The following GALNT14 variants were observed in gnomAD, a reference collection of about 807,000 sequenced individuals.
GALNT14 encodes the protein polypeptide N-acetylgalactosaminyltransferase 14.
GALNT14 carries 60 observed loss-of-function variants against 77.5 expected under a neutral mutation model. The ratio of observed to expected loss-of-function variants is 0.77; its 90% CI spans 0.63 to 0.96. The LOEUF is 0.96. GALNT14 is among the 40% of genes least tolerant of loss of function. The pLI is 0.00. For synonymous variants in GALNT14, 280 were observed against 281.7 expected, an observed-to-expected ratio of 0.99 and a Z score of 0.06; for missense variants, 710 against 731.0, an observed-to-expected ratio of 0.97 and a Z score of 0.33.
the GALNT14 span, among the ~76,000 whole-genome samples, chr2:30,890,702 C>T: frequency 1.3e-5 from 2 of 152,312 alleles, no homozygotes; most frequent in South Asian, 4.1e-4. Flanking sequence ...CCCTGAGATG[C>T]CAGTCTGAAG....
intron 1 of GALNT14, among the ~76,000 whole-genome samples, chr2:31,133,241 C>A (rs1679069725): frequency 1.3e-5 from 2 of 152,222 alleles, no homozygotes; most frequent in Admixed American, 1.3e-4. Context: ...GATACATTGG[C>A]TCTGTCTAGG....
chr2:31,042,846 T>C (rs1282300495), intron 1 of GALNT14, among the ~76,000 whole-genome samples: 1 of 152,206 alleles, frequency 6.6e-6, no homozygotes, highest in East Asian at 1.9e-4. Flanking sequence ...TCCTGTGCTC[T>C]CCCAAAGTCT....
intron 1 of GALNT14, among the ~76,000 whole-genome samples, chr2:31,040,966 T>C (rs558505807): frequency 2.0e-5 from 3 of 152,118 alleles, no homozygotes; most frequent in Non-Finnish European, 4.4e-5. Context: ...TCCTGTAAAC[T>C]TGAACACACA....
the GALNT14 span, among the ~76,000 whole-genome samples, chr2:30,887,126 T>C: frequency 2.0e-5 from 3 of 152,236 alleles, no homozygotes; most frequent in African/African-American, 7.2e-5. Context: ...CATTCTTCCA[T>C]TGATGGACGT....
In GALNT14 at chr2:31,138,051, G is replaced by A; in HGVS notation, c.36C>T (p.Val12=). 6.2e-7 allele frequency: 1 copy of A among 1,613,820 alleles called. No individual in the cohort carries two copies. The highest frequency in any genetic ancestry group is 1.1e-5 in the South Asian group (1 of 91,086). ...GCACCGTGATCCAGAGCACCCCGAA[G>A]ACTGGCAGAACCAGCCGACGAGTCA... ...RRLTRRLVLP[V]FGVLWITVLL... The change falls in exon 1 of 15, where the codon GTC becomes GTT. Residue 12 remains valine, a synonymous_variant. Transcript: ENST00000349752.
At chr2:31,105,834 T>C (rs1286770104) in intron 1 of GALNT14, among the ~76,000 whole-genome samples, 2 of 152,218 alleles carry the variant, frequency 1.3e-5, no homozygotes, top group East Asian at 1.9e-4. Context: ...AAAAAATGTA[T>C]GTATATATGT....
chr2:30,909,652 C>T (rs1437001463), downstream of GALNT14, among the ~76,000 whole-genome samples: 7 of 151,786 alleles, frequency 4.6e-5, no homozygotes, highest in East Asian at 9.7e-4. Context: ...GTCAGTGTGG[C>T]GATTCCTCAG....
At chr2:31,092,014 G>A (rs944669126) in intron 1 of GALNT14, among the ~76,000 whole-genome samples, 14 of 152,200 alleles carry the variant, frequency 9.2e-5, no homozygotes, top group South Asian at 4.1e-4. Flanking sequence ...TCTTTCTGCC[G>A]TGCTGGATGC....
chr2:31,072,079 G>T (rs144005058), intron 1 of GALNT14, among the ~76,000 whole-genome samples: 2 of 152,204 alleles, frequency 1.3e-5, no homozygotes, highest in South Asian at 2.1e-4. Flanking sequence ...CTAGAGACAC[G>T]TGGAAGAACA....
chr2:30,976,607 G>A (rs930256041), intron 2 of GALNT14, among the ~76,000 whole-genome samples: 9 of 112,610 alleles, frequency 8.0e-5, no homozygotes, highest in South Asian at 5.5e-4. Context: ...GTGCATGTGC[G>A]TGTGCGTGTG....
chr2:30,992,576 G>T lies in GALNT14; in HGVS notation c.299+262C>A, dbSNP rs143439232. ...TCGTGTCAAATGATCCCTAAGGTGA[G>T]GAGCAGGTTAAAGTGAAAGAGGCCA... On this transcript the variant is annotated intron_variant, in intron 2 of 14. Transcript: ENST00000349752. Among the ~76,000 whole-genome samples the T allele has an allele frequency of 5.9e-3, 900 of 152,290 alleles. 10 individuals are homozygous for T. The highest frequency in any genetic ancestry group is 0.037 in the Middle Eastern group (11 of 294).
At chr2:31,007,201 G>A (rs903802879) in intron 1 of GALNT14, among the ~76,000 whole-genome samples, 6 of 152,178 alleles carry the variant, frequency 3.9e-5, no homozygotes, top group African/African-American at 1.2e-4. Flanking sequence ...AACCAAGGGC[G>A]GGTTTAGTGC....
chr2:31,065,778 A>G (rs1415072068), intron 1 of GALNT14, among the ~76,000 whole-genome samples: 1 of 152,096 alleles, frequency 6.6e-6, no homozygotes, highest in East Asian at 1.9e-4. Flanking sequence ...CCTCCTACAA[A>G]TCCCTCCTGC....
At chr2:30,915,432 G>C (rs1664617331) in intron 13 of GALNT14, among the ~76,000 whole-genome samples, 1 of 152,136 alleles carries the variant, frequency 6.6e-6, no homozygotes, top group South Asian at 2.1e-4. Context: ...CAATAACTTA[G>C]CCTCGTCATG....
chr2:30,932,819 G>A (rs564510429), intron 9 of GALNT14, among the ~76,000 whole-genome samples: 10 of 152,328 alleles, frequency 6.6e-5, no homozygotes, highest in African/African-American at 2.4e-4. Context: ...AGAGCCACCT[G>A]AATCATAACC....
intron 1 of GALNT14, among the ~76,000 whole-genome samples, chr2:31,131,801 G>A (rs1679008496): frequency 6.6e-6 from 1 of 152,134 alleles, no homozygotes; most frequent in Admixed American, 6.5e-5. Context: ...TCTGATGAGT[G>A]GAAATTAGCA....
At chr2:31,080,631 C>T (rs927046890) in intron 1 of GALNT14, among the ~76,000 whole-genome samples, 1 of 152,200 alleles carries the variant, frequency 6.6e-6, no homozygotes, top group Non-Finnish European at 1.5e-5. Context: ...TTAAAGAAAA[C>T]CCCCTGTTCT....
intron 1 of GALNT14, among the ~76,000 whole-genome samples, chr2:31,035,740 T>C (rs1256779649): frequency 1.3e-5 from 2 of 151,728 alleles, no homozygotes; most frequent in African/African-American, 4.8e-5. Flanking sequence ...CCATTATCCT[T>C]AGCAAACTAA....
chr2:31,137,769 G>A (rs1366318694), intron 1 of GALNT14, among the ~76,000 whole-genome samples, 189 bp downstream of exon 1: 1 of 152,200 alleles, frequency 6.6e-6, no homozygotes, highest in Non-Finnish European at 1.5e-5. Context: ...GCACACCGCG[G>A]GTCCGGAGAT....
Sources: gnomAD v4.1 joint callset for allele counts (sites outside exome capture counted in the v4.1 genomes callset) on GRCh38, gnomAD v4.1.1 for gene constraint, MANE v1.5 for transcripts, NCBI Gene and HGNC (gene_info 2026-07-23, HGNC 2026-07-21) for gene names.